IL11RA: variants seen among roughly 807,000 people sequenced by gnomAD.
The protein encoded by IL11RA is interleukin-11 receptor subunit alpha.
A neutral mutation model predicts 57.0 loss-of-function variants in IL11RA; 51 were observed. The ratio of observed to expected loss-of-function variants is 0.89; its 90% CI spans 0.71 to 1.13. IL11RA has a LOEUF of 1.13. Among genes scored for constraint, IL11RA ranks in the 50% most tolerant of loss-of-function variants. The probability of loss-of-function intolerance (pLI) is 0.00; values close to 1 mark genes in which losing one functional copy is unlikely to be tolerated. For synonymous variants in IL11RA, 199 were observed against 217.5 expected, an observed-to-expected ratio of 0.91 and a Z score of 0.75; for missense variants, 498 against 539.4, an observed-to-expected ratio of 0.92 and a Z score of 0.76.
Position 34,661,580 on chromosome 9 carries a change from C to G in IL11RA, c.*82C>G. On this transcript the variant is annotated 3_prime_UTR_variant, in exon 13 of 13. Coordinates refer to ENST00000441545, the MANE Select transcript of IL11RA (RefSeq NM_001142784.3). Reference sequence around the variant, plus strand: ...TAGAAACCAGGCAGGACAGTAGATCCCTATGGTTGGATCTCAGCTGGAAGT... The same window carrying G: ...TAGAAACCAGGCAGGACAGTAGATCGCTATGGTTGGATCTCAGCTGGAAGT... 3 of 1,393,982 alleles carry G rather than the reference C, an allele frequency of 2.2e-6. No individual in the cohort carries two copies. The highest frequency in any genetic ancestry group is 3.1e-6 in the Non-Finnish European group (3 of 979,156). 86.4% of individuals were successfully genotyped at this position (1,393,982 alleles called of 1,614,324 possible). A position where few individuals can be genotyped will look rare whatever the true frequency, so the allele number is the denominator to read the frequency against.
intron 8 of IL11RA, 117 bp from the exon 9 acceptor site, chr9:34,659,642 A>G (rs923097959): frequency 3.2e-6 from 4 of 1,265,720 alleles, no homozygotes; most frequent in Middle Eastern, 2.1e-4. Flanking sequence ...CATGAGACCT[A>G]GACAGCTCCA....
rs1438667421 is a variant in IL11RA at position 34,653,166 on chromosome 9, G to A, written c.-1+933G>A. Among the ~76,000 whole-genome samples the A allele has an allele frequency of 6.6e-6, 1 of 152,194 alleles. No homozygotes were observed. Among genetic ancestry groups the A allele is most frequent in the Non-Finnish European group, 1.5e-5 (1 of 68,034 alleles). ...GAGAGGGGGCTTAGACCATGATGAAGAGTTGCTTTTAGGCGGTGCTGTGAG... is the reference window on the plus strand; with the variant it reads ...GAGAGGGGGCTTAGACCATGATGAAAAGTTGCTTTTAGGCGGTGCTGTGAG... On this transcript the variant is annotated intron_variant, in intron 1 of 12. Transcript: ENST00000441545. This position sits in a 1 kb window ranked among gnomAD's most constrained non-coding sequence, Gnocchi z 4.5.
intron 12 of IL11RA, 90 bp downstream of exon 12, chr9:34,661,026 A>T: frequency 1.8e-6 from 2 of 1,087,894 alleles, no homozygotes; most frequent in Non-Finnish European, 2.8e-6. Context: ...TAGTCATTTT[A>T]AAACATGCTG....
Position 34,657,485 on chromosome 9 carries a change from G to T in IL11RA, c.544G>T (p.Val182Phe). 2 of 1,614,204 alleles carry T rather than the reference G, an allele frequency of 1.2e-6. No individual in the cohort carries two copies. Among genetic ancestry groups the T allele is most frequent in the South Asian group, 1.1e-5 (1 of 91,086 alleles). ...QDPLGAARCVVHGAEFWSQYR... is the reference protein window; with the variant it reads ...QDPLGAARCVFHGAEFWSQYR... ...TCCCCTAGGGGCTGCCCGCTGTGTTGTCCACGGGGCTGAGTTCTGGAGCCA... is the reference window on the plus strand; with the variant it reads ...TCCCCTAGGGGCTGCCCGCTGTGTTTTCCACGGGGCTGAGTTCTGGAGCCA... The change falls in exon 7 of 13, where the codon GTC becomes TTC. Residue 182 changes from valine to phenylalanine, a missense_variant. Transcript: ENST00000441545.
At chr9:34,654,893 G>A (rs1821312760) in intron 1 of IL11RA, 1 of 343,526 alleles carries the variant, frequency 2.9e-6, no homozygotes, top group Non-Finnish European at 5.6e-6. Context: ...GGCGCCAAGG[G>A]CAGTGGAGGG....
chr9:34,661,504 C>T lies in IL11RA; in HGVS notation c.*6C>T, dbSNP rs754443082. The T allele has an allele frequency of 1.9e-5, 30 of 1,613,644 alleles. No homozygotes were observed. In the South Asian group the frequency reaches 3.2e-4, roughly 17 times the overall value. The stretch of plus-strand genomic sequence containing the variant: ...TAGGAGCTCCAAACCTGTAGAGGAC[C>T]CAGGAGGGCTTCGGCAGATTCCACC... On this transcript the variant is annotated 3_prime_UTR_variant, in exon 13 of 13. Coordinates refer to ENST00000441545, the MANE Select transcript of IL11RA (RefSeq NM_001142784.3).
Position 34,655,662 on chromosome 9 carries a change from C to A in IL11RA, c.158C>A (p.Ala53Asp). 1.9e-6 allele frequency: 3 copies of A among 1,613,970 alleles called. No homozygotes were observed. The highest frequency in any genetic ancestry group is 2.5e-6 in the Non-Finnish European group (3 of 1,179,894). ...SVKLCCPGVTAGDPVSWFRDG... is the reference protein window; with the variant it reads ...SVKLCCPGVTDGDPVSWFRDG... ...AAGCTGTGTTGTCCTGGAGTGACTG[C>A]CGGGTAAGTGCCCCACCTGCCTGTT... Residue 53 changes from alanine (A) to aspartate (D), a missense_variant, in exon 3 of 13, where the codon GCC (alanine) becomes GAC (aspartate). Coordinates refer to ENST00000441545, the MANE Select transcript of IL11RA (RefSeq NM_001142784.3).
chr9:34,659,730 G>A lies in IL11RA; in HGVS notation c.811-29G>A, dbSNP rs199498838. 260 of 1,613,902 alleles carry A rather than the reference G, an allele frequency of 1.6e-4. No homozygotes were observed. In the African/African-American group the frequency reaches 2.2e-3, roughly 13 times the overall value. Reference sequence around the variant, plus strand: ...TGGGAAGGCCCTGCACTTACAAGCTGGGTAACAGTGAGTCATGTTTACCCC... The same window carrying A: ...TGGGAAGGCCCTGCACTTACAAGCTAGGTAACAGTGAGTCATGTTTACCCC... On this transcript the variant is annotated intron_variant, in intron 8 of 12. Transcript: ENST00000441545.
chr9:34,655,837 T>C (rs1821334376), intron 3 of IL11RA, 172 bp downstream of exon 3: 1 of 694,496 alleles, frequency 1.4e-6, no homozygotes, highest in African/African-American at 1.8e-5. Flanking sequence ...CTGGTATGTT[T>C]TGAGCATCTG....
Position 34,658,528 on chromosome 9 carries a change from G to C in IL11RA, c.655G>C (p.Asp219His), listed in dbSNP as rs376122093. 1.9e-6 allele frequency: 3 copies of C among 1,614,116 alleles called. No individual in the cohort carries two copies. The Admixed American group carries it at 5.0e-5, about 27-fold the overall frequency. ...TGTCTTGATGCCCTTAGTGCGCCCT[G>C]ACCCACCCCAGGGCCTGCGGGTAGA... is the stretch of plus-strand genomic sequence containing the variant. ...DVSLQSILRP[D>H]PPQGLRVESV... Residue 219 changes from aspartate (D) to histidine (H), a missense_variant, in exon 8 of 13, where the codon GAC becomes CAC. Transcript: ENST00000441545. This position sits in a 1 kb window ranked among gnomAD's most constrained non-coding sequence, Gnocchi z 4.0.
rs770808785 is a variant in IL11RA, at chr9:34,657,035, A to G, written c.332A>G (p.Tyr111Cys). Residue 111 changes from tyrosine to cysteine, a missense_variant and splice_region_variant, in exon 5 of 13, where the codon TAC becomes TGC. By Grantham distance (194) the Tyr-to-Cys change is radical. Transcript: ENST00000441545. ...CTCCAGGTGTACCCTCTGCCTCTAG[A>G]CCCTCCAGCCCGCCCTGTTGTCTCC... ...LGGTVTLQLG[Y>C]PPARPVVSCQ... The G allele has an allele frequency of 1.9e-6, 3 of 1,613,640 alleles. No individual in the cohort carries two copies. The highest frequency in any genetic ancestry group is 2.5e-6 in the Non-Finnish European group (3 of 1,179,860).
In IL11RA at chr9:34,661,596, A is replaced by G; in HGVS notation, c.*98A>G. ...CAGTAGATCCCTATGGTTGGATCTC[A>G]GCTGGAAGTTCTGTTTGGAGCCCAT... On this transcript the variant is annotated 3_prime_UTR_variant, in exon 13 of 13. Coordinates refer to ENST00000441545, the MANE Select transcript of IL11RA (RefSeq NM_001142784.3). 7.6e-7 allele frequency: 1 copy of G among 1,308,726 alleles called. No individual in the cohort carries two copies. Among genetic ancestry groups the G allele is most frequent in the Non-Finnish European group, 1.1e-6 (1 of 902,000 alleles). 81.1% of individuals were successfully genotyped at this position (1,308,726 alleles called of 1,614,324 possible).
rs1342217350 is a variant in IL11RA, at chr9:34,657,167, T to G, written c.446+18T>G. On this transcript the variant is annotated intron_variant, in intron 5 of 12. Coordinates refer to ENST00000441545, the MANE Select transcript of IL11RA (RefSeq NM_001142784.3). ...TCCTACAGGTGTGTGTGTGATTGGGTGTGGATGCCTACACATTTGGGTATG... is the reference window on the plus strand; with the variant it reads ...TCCTACAGGTGTGTGTGTGATTGGGGGTGGATGCCTACACATTTGGGTATG... 1.1e-5 allele frequency: 18 copies of G among 1,609,324 alleles called. No individual in the cohort carries two copies. Among genetic ancestry groups the G allele is most frequent in the Admixed American group, 1.0e-4 (6 of 59,994 alleles).
rs1196025691 is a variant in IL11RA, at chr9:34,656,822, C to T, written c.245C>T (p.Ala82Val). The T allele has an allele frequency of 1.2e-6, 2 of 1,614,046 alleles. No homozygotes were observed. Among genetic ancestry groups the T allele is most frequent in the Non-Finnish European group, 1.7e-6 (2 of 1,180,014 alleles). Residue 82 changes from alanine (A) to valine (V), a missense_variant, in exon 4 of 13, where the codon GCC becomes GTC. By Grantham distance (64) the Ala-to-Val change is moderately conservative (BLOSUM62 0). Coordinates refer to ENST00000441545, the MANE Select transcript of IL11RA (RefSeq NM_001142784.3). ...GGGCTAGGGCATGAACTGGTCCTGGCCCAGGCAGACAGCACTGATGAGGGC... is the reference window on the plus strand; with the variant it reads ...GGGCTAGGGCATGAACTGGTCCTGGTCCAGGCAGACAGCACTGATGAGGGC... Reference protein sequence around the residue: ...DSGLGHELVLAQADSTDEGTY... With the variant: ...DSGLGHELVLVQADSTDEGTY...
At chr9:34,660,207 T>G in intron 9 of IL11RA, 67 bp from the exon 10 acceptor site, 1 of 1,612,982 alleles carries the variant, frequency 6.2e-7, no homozygotes, top group Non-Finnish European at 8.5e-7. Context: ...GCCTTGGCCT[T>G]GAGCACAGGA....
In IL11RA at chr9:34,653,471, A is replaced by G. The variant is rs968329509; in HGVS notation, c.-1+1238A>G. 6.6e-6 allele frequency among the ~76,000 whole-genome samples: 1 copy of G among 152,176 alleles called. No individual in the cohort carries two copies. The highest frequency in any genetic ancestry group is 2.4e-5 in the African/African-American group (1 of 41,452). On this transcript the variant is annotated intron_variant, in intron 1 of 12. Coordinates refer to ENST00000441545, the MANE Select transcript of IL11RA (RefSeq NM_001142784.3). This position sits in a 1 kb window ranked among gnomAD's most constrained non-coding sequence, Gnocchi z 4.5. ...CTTTGGCCTCTCCTTATATCCCCCAACCTGGGGCCTCCCTTCCCCTGGAAG... is the reference window on the plus strand; with the variant it reads ...CTTTGGCCTCTCCTTATATCCCCCAGCCTGGGGCCTCCCTTCCCCTGGAAG...
At position 34,655,165 on chromosome 9, in the gene IL11RA, T is replaced by G. The variant is rs533257156; in HGVS notation, c.1-53T>G. ...CAGTTTTGGAGAGGAAGAGCCAGGC[T>G]TTAGCCTCCCATCTCAGGGGTCGGG... On this transcript the variant is annotated intron_variant, in intron 1 of 12. Transcript: ENST00000441545. The G allele has an allele frequency of 6.4e-4, 821 of 1,278,662 alleles. 1 individual carries two copies. The highest frequency in any genetic ancestry group is 8.5e-4 in the Non-Finnish European group (758 of 890,096). The allele number at this position is 1,278,662 out of a possible 1,614,324, so 79.2% of individuals were successfully genotyped here.
Position 34,660,319 on chromosome 9 carries a change from A to C in IL11RA, c.998A>C (p.Gln333Pro), listed in dbSNP as rs1196827137. 1 of 1,614,234 alleles carries C rather than the reference A, an allele frequency of 6.2e-7. No homozygotes were observed. ...CCAGCATGGGGCCAGCTACACACGC[A>C]GCCAGAGGTGGAGCCTCAGGTGGAC... ...EIPAWGQLHT[Q>P]PEVEPQVDSP... Residue 333 changes from glutamine (Q) to proline (P), a missense_variant, in exon 10 of 13, where the codon CAG becomes CCG. Coordinates refer to ENST00000441545, the MANE Select transcript of IL11RA (RefSeq NM_001142784.3).
intron 1 of IL11RA, among the ~76,000 whole-genome samples, chr9:34,652,745 C>T (rs1821276332): frequency 6.6e-6 from 1 of 152,070 alleles, no homozygotes; most frequent in African/African-American, 2.4e-5. Flanking sequence ...TATTGGGGGA[C>T]CTACCTCAAG....
Sources: allele counts gnomAD v4.1 joint callset (sites outside exome capture counted in the v4.1 genomes callset), GRCh38; gene constraint gnomAD v4.1.1; non-coding constraint Gnocchi (gnomAD v3.1); transcripts MANE v1.5; gene names NCBI Gene and HGNC (gene_info 2026-07-23, HGNC 2026-07-21).